The following IPO11 variants were observed in gnomAD, a reference collection of about 807,000 sequenced individuals.
The protein encoded by IPO11 is importin-11.
In IPO11, 66 loss-of-function variants were observed where a neutral mutation model predicts 143.2. The observed-to-expected ratio is 0.46, with a 90% CI of 0.38 to 0.57. IPO11 has a LOEUF of 0.57. Ranked by LOEUF, IPO11 falls within the 20% of genes least tolerant of loss-of-function variation. IPO11 has a pLI of 0.00. For missense variants in IPO11, 1,026 were observed against 1,141.0 expected (o/e 0.90, Z 1.45); for synonymous variants, 385 against 377.8 (o/e 1.02, Z -0.22).
At chr5:62,564,031 G>T (rs939860359) in intron 27 of IPO11, among the ~76,000 whole-genome samples, 1 of 152,102 alleles carries the variant, frequency 6.6e-6, no homozygotes, top group South Asian at 2.1e-4. Context: ...CAAATCTAAT[G>T]GGCATTAGCA....
In IPO11 at chr5:62,575,826, T is replaced by C. The variant is rs548015867; in HGVS notation, c.2582+14569T>C. On this transcript the variant is annotated intron_variant, in intron 27 of 29. Transcript: ENST00000325324. ...TTTTTTTCTTGCAACTGATAAGAGG[T>C]CTATATTGAGATATACTGCCCCTCA... 5.3e-5 allele frequency: 8 copies of C among 152,222 alleles called. No individual in the cohort carries two copies. The South Asian group carries it at 1.7e-3, about 32-fold the overall frequency. The allele number at this position is 152,222 out of a possible 1,614,324, so 9.4% of individuals were successfully genotyped here.
At chr5:62,537,508 A>G (rs936755851) in intron 24 of IPO11, among the ~76,000 whole-genome samples, 19 of 152,190 alleles carry the variant, frequency 1.2e-4, no homozygotes, top group African/African-American at 4.6e-4. Flanking sequence ...TGGACATCTT[A>G]TAAAAATTCA....
At position 62,437,756 on chromosome 5, in the gene IPO11, C is replaced by T. The variant is rs139097552; in HGVS notation, c.138+339C>T. Among the ~76,000 whole-genome samples, 1,442 of 152,236 alleles carry T rather than the reference C, an allele frequency of 9.5e-3. 23 individuals carry two copies. The highest frequency in any genetic ancestry group is 0.033 in the African/African-American group (1,391 of 41,538). Reference sequence around the variant, plus strand: ...CCCTACCCCAGGTAATTTATGTTGTCATAGTTGTTCAGGTCTCCACATTGC... The same window carrying T: ...CCCTACCCCAGGTAATTTATGTTGTTATAGTTGTTCAGGTCTCCACATTGC... On this transcript the variant is annotated intron_variant, in intron 2 of 29. Coordinates refer to ENST00000325324, the MANE Select transcript of IPO11 (RefSeq NM_016338.5).
chr5:62,425,532 G>A (rs1743701479), intron 1 of IPO11, among the ~76,000 whole-genome samples: 1 of 151,994 alleles, frequency 6.6e-6, no homozygotes, highest in African/African-American at 2.4e-5. Flanking sequence ...TGTTCAGGCT[G>A]GTCTCAAACT....
At chr5:62,496,434 G>C (rs931934367) in intron 16 of IPO11, among the ~76,000 whole-genome samples, 1 of 151,970 alleles carries the variant, frequency 6.6e-6, no homozygotes, top group Non-Finnish European at 1.5e-5. Flanking sequence ...TACATCTCAC[G>C]TTTACTTGTT....
intron 18 of IPO11, 121 bp downstream of exon 18, chr5:62,505,019 C>G: frequency 3.7e-6 from 2 of 534,136 alleles, no homozygotes; most frequent in Non-Finnish European, 6.3e-6. Context: ...TAAAAGTATG[C>G]TGTATTGGAT....
rs184356307 is a variant in IPO11, at chr5:62,423,713, A to C, written c.-7+10784A>C. Among the ~76,000 whole-genome samples, 209 of 152,340 alleles carry C rather than the reference A, an allele frequency of 1.4e-3. 1 individual carries two copies. Among genetic ancestry groups the C allele is most frequent in the East Asian group, 3.9e-4 (2 of 5,184 alleles). On this transcript the variant is annotated intron_variant, in intron 1 of 29. Transcript: ENST00000325324. ...TAGTTACATTGATAGAAGATCTAGA[A>C]GCTTGGTCAGATTCAGGTTTGTTTG... is the stretch of plus-strand genomic sequence containing the variant.
At chr5:62,414,472 G>T (rs1397021840) in intron 1 of IPO11, among the ~76,000 whole-genome samples, 3 of 152,060 alleles carry the variant, frequency 2.0e-5, no homozygotes, top group Non-Finnish European at 1.5e-5. Flanking sequence ...TTCTTTATCA[G>T]CTTCAAATAG....
At chr5:62,523,353 C>A (rs918945255) in intron 20 of IPO11, among the ~76,000 whole-genome samples, 2 of 152,098 alleles carry the variant, frequency 1.3e-5, no homozygotes, top group African/African-American at 2.4e-5. Flanking sequence ...ATAGCAGGAA[C>A]ATAGAGTACA....
At position 62,457,839 on chromosome 5, in the gene IPO11, T is replaced by A. The variant is rs79613265; in HGVS notation, c.516+5906T>A. 9.1e-3 allele frequency among the ~76,000 whole-genome samples: 1,392 copies of A among 152,270 alleles called. 20 individuals are homozygous for A. The highest frequency in any genetic ancestry group is 0.032 in the African/African-American group (1,312 of 41,558). On this transcript the variant is annotated intron_variant, in intron 5 of 29. Transcript: ENST00000325324. ...CCAGCCTGTAAGATATTTACAGTGC[T>A]GTAAAATTTATTTAAAAGATAAATG...
Position 62,544,298 on chromosome 5 carries a change from C to A in IPO11, c.2251-6069C>A, listed in dbSNP as rs147653898. Among the ~76,000 whole-genome samples, 362 of 152,230 alleles carry A rather than the reference C, an allele frequency of 2.4e-3. 1 individual carries two copies. Among genetic ancestry groups the A allele is most frequent in the African/African-American group, 8.1e-3 (336 of 41,538 alleles). The stretch of plus-strand genomic sequence containing the variant: ...TCCCCGAGATTCAAGGCTGGTTCAA[C>A]ATACACAAATCAATAAATGTAATCC... On this transcript the variant is annotated intron_variant, in intron 24 of 29. Coordinates refer to ENST00000325324, the MANE Select transcript of IPO11 (RefSeq NM_016338.5).
At chr5:62,512,078 C>T (rs1741769094) in intron 19 of IPO11, among the ~76,000 whole-genome samples, 1 of 152,206 alleles carries the variant, frequency 6.6e-6, no homozygotes, top group Admixed American at 6.5e-5. Context: ...GGAGGTGGCT[C>T]TACTCAAGAA....
At chr5:62,504,606 G>T in intron 16 of IPO11, 61 bp from the exon 17 acceptor site, 1 of 990,444 alleles carries the variant, frequency 1.0e-6, no homozygotes, top group South Asian at 1.6e-5. Flanking sequence ...TTTTTTGTTT[G>T]ATATTAATGA....
intron 16 of IPO11, among the ~76,000 whole-genome samples, chr5:62,499,696 A>T (rs779532445): frequency 6.9e-6 from 1 of 145,854 alleles, no homozygotes; most frequent in African/African-American, 2.5e-5. Context: ...AAAATTTTTT[A>T]AAGTTCTTGA....
At chr5:62,523,460 A>C (rs1044625236) in intron 20 of IPO11, among the ~76,000 whole-genome samples, 1 of 152,218 alleles carries the variant, frequency 6.6e-6, no homozygotes, top group Non-Finnish European at 1.5e-5. Context: ...AAAAGTAGTC[A>C]GTGCACCACT....
intron 1 of IPO11, among the ~76,000 whole-genome samples, chr5:62,428,686 A>G (rs900273255): frequency 6.6e-6 from 1 of 151,676 alleles, no homozygotes; most frequent in African/African-American, 2.4e-5. Flanking sequence ...TTTTTTAGAG[A>G]CAGGGTCTCA....
intron 9 of IPO11, among the ~76,000 whole-genome samples, chr5:62,478,376 A>T (rs374082509): frequency 7.0e-4 from 106 of 152,252 alleles, no homozygotes; most frequent in African/African-American, 2.5e-3. Context: ...CATGTTGCCC[A>T]GGCTGGTCTC....
At chr5:62,472,503 GACA>G (rs1199396594) in intron 7 of IPO11, among the ~76,000 whole-genome samples, 1 of 149,664 alleles carries the variant, frequency 6.7e-6, no homozygotes, top group African/African-American at 2.5e-5. Flanking sequence ...ACAAATTAAA[GACA>G]ACATTTCAAA....
At position 62,579,843 on chromosome 5, in the gene IPO11, T is replaced by C. The variant is rs542729820; in HGVS notation, c.2583-11734T>C. 13 of 1,548,188 alleles carry C rather than the reference T, an allele frequency of 8.4e-6. No homozygotes were observed. In the South Asian group the frequency reaches 1.3e-4, roughly 16 times the overall value. On this transcript the variant is annotated intron_variant, in intron 27 of 29. Coordinates refer to ENST00000325324, the MANE Select transcript of IPO11 (RefSeq NM_016338.5). ...TATTTAAGGGACTTTTAAATCTTCG[T>C]AATTTATATTTACAGTATAATCAGG...
Sources: gnomAD v4.1 joint callset for allele counts (sites outside exome capture counted in the v4.1 genomes callset) on GRCh38, gnomAD v4.1.1 for gene constraint, MANE v1.5 for transcripts, NCBI Gene and HGNC (gene_info 2026-07-23, HGNC 2026-07-21) for gene names.